The following HMSD variants were observed in gnomAD, a reference collection of about 807,000 sequenced individuals.
HMSD encodes the protein serpin-like protein HMSD.
Under a neutral mutation model 10.0 loss-of-function variants are expected in HMSD, and 13 were observed. The observed-to-expected ratio is 1.31, with a 90% CI of 0.85 to 2.08. The LOEUF is 2.08. Ranked by LOEUF, HMSD falls within the 30% of genes most tolerant of loss-of-function variation. HMSD has a pLI of 0.00. For synonymous variants in HMSD, 51 were observed against 54.2 expected, an observed-to-expected ratio of 0.94 and a Z score of 0.26; for missense variants, 169 against 166.3, an observed-to-expected ratio of 1.02 and a Z score of -0.09.
chr18:63,954,591 T>C (rs1436726843), intron 3 of HMSD, 34 bp downstream of exon 3: 3 of 1,580,656 alleles, frequency 1.9e-6, no homozygotes, highest in Non-Finnish European at 2.6e-6. Context: ...AAAATAAAGA[T>C]AGCAATGTGG....
chr18:63,962,670 C>T (rs908680942), downstream of HMSD, among the ~76,000 whole-genome samples: 2 of 152,188 alleles, frequency 1.3e-5, no homozygotes, highest in African/African-American at 4.8e-5. Flanking sequence ...CTCTAAGGCT[C>T]TTGCATCCCT....
At position 63,953,888 on chromosome 18, in the gene HMSD, C is replaced by T. The variant is rs142570101; in HGVS notation, c.72+361C>T. ...CAGGATAGCTTGGGCTTCTCGACCA[C>T]GGTAGCTGGGTTACAAGAGAGGGAA... is the stretch of plus-strand genomic sequence containing the variant. On this transcript the variant is annotated intron_variant, in intron 2 of 3. Transcript: ENST00000408945. 4.3e-4 allele frequency among the ~76,000 whole-genome samples: 66 copies of T among 152,286 alleles called. No homozygotes were observed. The East Asian group carries it at 0.01, about 23-fold the overall frequency.
At chr18:63,954,387 T>A in intron 2 of HMSD, 21 bp from the exon 3 acceptor site, 2 of 1,580,250 alleles carry the variant, frequency 1.3e-6, no homozygotes, top group Non-Finnish European at 1.7e-6. Context: ...ATGTGTATGT[T>A]TATTATTATT....
At chr18:63,959,917 A>G (rs1037746897) in intron 3 of HMSD, among the ~76,000 whole-genome samples, 2 of 152,158 alleles carry the variant, frequency 1.3e-5, no homozygotes, top group African/African-American at 4.8e-5. Flanking sequence ...CACTCTCATG[A>G]AGGATCCAGC....
At chr18:63,954,055 G>GTGTA (rs1291749091) in intron 2 of HMSD, among the ~76,000 whole-genome samples, 1 of 152,198 alleles carries the variant, frequency 6.6e-6, no homozygotes, top group Non-Finnish European at 1.5e-5. Flanking sequence ...GGAGCACCAT[G>GTGTA]TGTATGCAGA....
chr18:63,965,580 A>G (rs919000990), downstream of HMSD, among the ~76,000 whole-genome samples: 1 of 152,202 alleles, frequency 6.6e-6, no homozygotes, highest in Non-Finnish European at 1.5e-5. Flanking sequence ...TACCAGGCAT[A>G]TTAATGTAAT....
intron 1 of HMSD, among the ~76,000 whole-genome samples, chr18:63,953,054 C>G (rs1043025995): frequency 3.9e-5 from 6 of 152,186 alleles, no homozygotes; most frequent in African/African-American, 1.4e-4. Context: ...CCACAAAGAC[C>G]TGGTTTCTAA....
At chr18:63,963,077 C>CTTTCTTTCTTTA (rs1455294275), downstream of HMSD, among the ~76,000 whole-genome samples, 6 of 31,728 alleles carry the variant, frequency 1.9e-4, no homozygotes, top group South Asian at 6.8e-3. Context: ...CTTTCTCTTT[C>CTTTCTTTCTTTA]TTTCTTTCTT....
chr18:63,952,771 T>C (rs1027757417), intron 1 of HMSD, among the ~76,000 whole-genome samples: 5 of 152,364 alleles, frequency 3.3e-5, no homozygotes, highest in South Asian at 2.1e-4. Context: ...ATAAATATTT[T>C]CATGGCATTT....
At position 63,960,729 on chromosome 18, in the gene HMSD, A is replaced by C. The variant is rs2050381978; in HGVS notation, c.*374A>C. On this transcript the variant is annotated 3_prime_UTR_variant, in exon 4 of 4. Transcript: ENST00000408945. The stretch of plus-strand genomic sequence containing the variant: ...GCACAGCTAAAAAGACATTCCATCA[A>C]CCCCCTTGCAGCCAGAAAGACCCTG... 5.8e-6 allele frequency: 1 copy of C among 171,494 alleles called. No homozygotes were observed. Among genetic ancestry groups the C allele is most frequent in the South Asian group, 1.4e-4 (1 of 7,090 alleles). The allele number at this position is 171,494 out of a possible 1,614,324, so 10.6% of individuals were successfully genotyped here.
chr18:63,953,623 A>T, intron 2 of HMSD, 96 bp downstream of exon 2: 2 of 966,704 alleles, frequency 2.1e-6, no homozygotes, highest in South Asian at 2.8e-5. Context: ...TCCTCCTTTA[A>T]CAGACAACTC....
chr18:63,954,614 G>T, intron 3 of HMSD, 57 bp downstream of exon 3: 1 of 1,452,908 alleles, frequency 6.9e-7, no homozygotes, highest in Non-Finnish European at 9.6e-7. Context: ...GGAAGTAGGA[G>T]AATGAATATG....
Position 63,967,377 on chromosome 18 carries a change from G to A in HMSD, n.312+7102G>A, listed in dbSNP as rs180678440. Among the ~76,000 whole-genome samples, 1,046 of 152,214 alleles carry A rather than the reference G, an allele frequency of 6.9e-3. 12 individuals are homozygous for A. Among genetic ancestry groups the A allele is most frequent in the Non-Finnish European group, 0.011 (777 of 67,990 alleles). Reference sequence around the variant, plus strand: ...TGGAACTCCTGACCTCAGGTGATCCGCCCGCCTCGGCCTCCAAAAGTGCTG... The same window carrying A: ...TGGAACTCCTGACCTCAGGTGATCCACCCGCCTCGGCCTCCAAAAGTGCTG... On this transcript the variant is annotated intron_variant and non_coding_transcript_variant, in intron 3 of 5. Coordinates refer to the HMSD transcript ENST00000481726.
rs1182510144 is a variant in HMSD, at chr18:63,960,891, G to A, written c.*536G>A. ...TTACAAGGAGACATCCACATTATAT[G>A]TGGGCTGAGAGAGGAAAGAGGGAGT... is the stretch of plus-strand genomic sequence containing the variant. On this transcript the variant is annotated 3_prime_UTR_variant, in exon 4 of 4. Transcript: ENST00000408945. The A allele has an allele frequency of 1.3e-5, 2 of 152,986 alleles. No homozygotes were observed. The highest frequency in any genetic ancestry group is 4.8e-5 in the African/African-American group (2 of 41,448). 9.5% of individuals were successfully genotyped at this position (152,986 alleles called of 1,614,324 possible).
chr18:63,953,155 T>C (rs1233122475), intron 1 of HMSD, among the ~76,000 whole-genome samples, 199 bp from the exon 2 acceptor site: 5 of 152,198 alleles, frequency 3.3e-5, no homozygotes, highest in Admixed American at 6.5e-5. Flanking sequence ...AGTGCAGACA[T>C]TCACTCACAG....
chr18:63,954,444 G>A lies in HMSD; in HGVS notation c.109G>A (p.Asp37Asn). 6.2e-7 allele frequency: 1 copy of A among 1,610,976 alleles called. No homozygotes were observed. Among genetic ancestry groups the A allele is most frequent in the African/African-American group, 1.4e-5 (1 of 73,250 alleles). Residue 37 changes from aspartate (D) to asparagine (N), a missense_variant, in exon 3 of 4, where the codon GAT (aspartate) becomes AAT (asparagine). Transcript: ENST00000408945. ...CFSKIGGEDGDIHRGFQSLLV... is the reference protein window; with the variant it reads ...CFSKIGGEDGNIHRGFQSLLV... ...TAGTAAAATCGGAGGTGAAGATGGA[G>A]ATATTCATCGAGGTTTTCAGTCACT...
chr18:63,967,105 T>C (rs1291310818), intron 3 of HMSD, among the ~76,000 whole-genome samples: 1 of 151,520 alleles, frequency 6.6e-6, no homozygotes, highest in Non-Finnish European at 1.5e-5. Context: ...GGTCAGTCAC[T>C]GAAGGATATT....
chr18:63,956,960 A>T (rs1599110164), intron 3 of HMSD, among the ~76,000 whole-genome samples: 1 of 152,310 alleles, frequency 6.6e-6, no homozygotes, highest in Non-Finnish European at 1.5e-5. Context: ...TCATAAGCAA[A>T]CTAATACGGG....
At chr18:63,957,426 G>A (rs927607029) in intron 3 of HMSD, among the ~76,000 whole-genome samples, 1 of 151,958 alleles carries the variant, frequency 6.6e-6, no homozygotes, top group Admixed American at 6.6e-5. Context: ...ATTTTTCTAT[G>A]GGGTTGTATG....
Sources: allele counts gnomAD v4.1 joint callset (sites outside exome capture counted in the v4.1 genomes callset), GRCh38; gene constraint gnomAD v4.1.1; transcripts MANE v1.5; gene names NCBI Gene and HGNC (gene_info 2026-07-23, HGNC 2026-07-21).